The following SLC45A2 variants were observed in gnomAD, a reference collection of about 807,000 sequenced individuals.
SLC45A2 encodes the protein membrane-associated transporter protein.
In SLC45A2, 36 loss-of-function variants were observed where a neutral mutation model predicts 45.5. The observed-to-expected ratio is 0.79, with a 90% CI of 0.61 to 1.04. The LOEUF is 1.04. Ranked by LOEUF, SLC45A2 falls within the 50% of genes least tolerant of loss-of-function variation. The pLI is 0.00. For missense variants in SLC45A2, 719 were observed against 671.0 expected (o/e 1.07, Z -0.79); for synonymous variants, 306 against 269.3 (o/e 1.14, Z -1.33).
chr5:33,956,801 C>T (rs1298242415), intron 3 of SLC45A2, among the ~76,000 whole-genome samples: 1 of 152,172 alleles, frequency 6.6e-6, no homozygotes, highest in Non-Finnish European at 1.5e-5. Flanking sequence ...ATTGACATAG[C>T]TAAATCTCCA....
At position 33,946,772 on chromosome 5, in the gene SLC45A2, G is replaced by A. The variant is rs1238183241; in HGVS notation, c.1368+391C>T. The stretch of plus-strand genomic sequence containing the variant: ...TGGGGATAGGGAGACCCTTATTGTC[G>A]GTATCTAGAAATGCTGCAGGTGGCA... On this transcript the variant is annotated intron_variant, in intron 6 of 6. Coordinates refer to ENST00000296589, the MANE Select transcript of SLC45A2 (RefSeq NM_016180.5). The A allele has an allele frequency of 1.3e-5, 15 of 1,128,910 alleles. No individual in the cohort carries two copies. In the Admixed American group the frequency reaches 3.6e-4, roughly 27 times the overall value. The allele number at this position is 1,128,910 out of a possible 1,614,324, so 69.9% of individuals were successfully genotyped here.
intron 2 of SLC45A2, among the ~76,000 whole-genome samples, chr5:33,967,576 G>A (rs1752635202): frequency 1.3e-5 from 2 of 152,108 alleles, no homozygotes; most frequent in African/African-American, 4.8e-5. Flanking sequence ...GTTGTCACAG[G>A]ATATTTGACC....
In SLC45A2 at chr5:33,984,405, A is replaced by C. The variant is rs925113610; in HGVS notation, c.179T>G (p.Leu60Arg). Residue 60 changes from leucine to arginine, a missense_variant, in exon 1 of 7, where the codon CTG (leucine) becomes CGG (arginine). Physicochemically the swap from Leu to Arg is moderately radical, Grantham distance 102. Transcript: ENST00000296589. The stretch of plus-strand genomic sequence containing the variant: ...GCTGCTGGGCAGACCTACGCTGAGC[A>C]GGACTGGGGTCACATACGCTGCCTC... ...AVEAAYVTPV[L>R]LSVGLPSSLY... 6 of 1,613,554 alleles carry C rather than the reference A, an allele frequency of 3.7e-6. No individual in the cohort carries two copies. Among genetic ancestry groups the C allele is most frequent in the Non-Finnish European group, 5.1e-6 (6 of 1,179,724 alleles).
At chr5:33,984,093 T>G (rs1753163421) in intron 1 of SLC45A2, 106 bp downstream of exon 1, 2 of 1,528,794 alleles carry the variant, frequency 1.3e-6, no homozygotes, top group Admixed American at 1.7e-5. Flanking sequence ...GAGAGATCAA[T>G]TCTAACAAAT....
intron 2 of SLC45A2, among the ~76,000 whole-genome samples, chr5:33,970,448 T>C (rs1021146437): frequency 2.0e-5 from 3 of 152,242 alleles, no homozygotes; most frequent in Non-Finnish European, 2.9e-5. Context: ...TTACTCTTGC[T>C]CTCTAGAATC....
chr5:33,956,336 C>T (rs1752275440), intron 3 of SLC45A2, among the ~76,000 whole-genome samples: 1 of 152,110 alleles, frequency 6.6e-6, no homozygotes, highest in African/African-American at 2.4e-5. Context: ...GGAGATGAAA[C>T]ATGGCCTTAC....
chr5:33,949,061 T>C (rs951571641), intron 5 of SLC45A2, among the ~76,000 whole-genome samples: 2 of 152,218 alleles, frequency 1.3e-5, no homozygotes, highest in African/African-American at 4.8e-5. Context: ...TAGTAGTGTA[T>C]GATATTATGG....
At chr5:33,973,257 A>G (rs1230538887) in intron 2 of SLC45A2, among the ~76,000 whole-genome samples, 1 of 152,112 alleles carries the variant, frequency 6.6e-6, no homozygotes, top group African/African-American at 2.4e-5. Flanking sequence ...ATCCCATTTG[A>G]ATGGAAAAGA....
At chr5:33,958,246 C>A (rs1444369390) in intron 3 of SLC45A2, among the ~76,000 whole-genome samples, 3 of 152,166 alleles carry the variant, frequency 2.0e-5, no homozygotes, top group Non-Finnish European at 4.4e-5. Flanking sequence ...GTTTAAACTT[C>A]TGAAATAATT....
chr5:33,948,328 G>A (rs1268555033), intron 5 of SLC45A2, among the ~76,000 whole-genome samples: 2 of 152,104 alleles, frequency 1.3e-5, no homozygotes, highest in East Asian at 3.9e-4. Context: ...TTCTACAATG[G>A]CAAGGAAAAT....
chr5:33,982,201 GAGCT>G, intron 2 of SLC45A2, 31 bp downstream of exon 2: 1 of 1,612,182 alleles, frequency 6.2e-7, no homozygotes, highest in South Asian at 1.1e-5. Flanking sequence ...ATTGTCTGGG[GAGCT>G]GAAGGAGAGA....
At chr5:33,946,152 C>G (rs1045614198) in intron 6 of SLC45A2, 2 of 985,316 alleles carry the variant, frequency 2.0e-6, no homozygotes, top group Non-Finnish European at 2.4e-6. Flanking sequence ...TTTTCTTCCC[C>G]CAACACCATG....
rs980618644 is a variant in SLC45A2 at position 33,984,319 on chromosome 5, C to T, written c.265G>A (p.Gly89Arg). 1.2e-6 allele frequency: 2 copies of T among 1,614,118 alleles called. No individual in the cohort carries two copies. The highest frequency in any genetic ancestry group is 2.2e-5 in the East Asian group (1 of 44,878). The change falls in exon 1 of 7, where the codon GGA (glycine) becomes AGA (arginine). Residue 89 changes from glycine to arginine, a missense_variant. Transcript: ENST00000296589. The part of the protein sequence containing the change: ...ILGFLLQPVV[G>R]SASDHCRSRW... Reference sequence around the variant, plus strand: ...GACCGGCAGTGGTCGCTGGCCGATCCGACCACGGGCTGCAGCAGGAATCCC... The same window carrying T: ...GACCGGCAGTGGTCGCTGGCCGATCTGACCACGGGCTGCAGCAGGAATCCC...
At chr5:33,945,876 C>T in intron 6 of SLC45A2, 2 of 788,412 alleles carry the variant, frequency 2.5e-6, no homozygotes, top group African/African-American at 1.9e-5. Context: ...TTTACATTTG[C>T]TTGGTTTTTA....
At chr5:33,955,375 C>G (rs1218577611) in intron 3 of SLC45A2, among the ~76,000 whole-genome samples, 2 of 152,120 alleles carry the variant, frequency 1.3e-5, no homozygotes, top group African/African-American at 2.4e-5. Context: ...CTTGTAAGAC[C>G]CTGTGCAGAA....
chr5:33,969,528 G>C lies in SLC45A2; in HGVS notation c.563-5512C>G, dbSNP rs142003202. ...GGGCCAGGATGCCTCGTTGCTTTGA[G>C]GACAGTATGTAACAGTAGAGAGCAG... On this transcript the variant is annotated intron_variant, in intron 2 of 6. Transcript: ENST00000296589. 9.2e-4 allele frequency among the ~76,000 whole-genome samples: 140 copies of C among 152,264 alleles called. No individual in the cohort carries two copies. In the East Asian group the frequency reaches 0.023, roughly 25 times the overall value.
intron 6 of SLC45A2, chr5:33,945,933 C>T (rs1751909907): frequency 1.0e-6 from 1 of 980,392 alleles, no homozygotes. Flanking sequence ...AGAGTGGTAA[C>T]ACGTTGGGGC....
At chr5:33,975,747 C>T (rs916290986) in intron 2 of SLC45A2, among the ~76,000 whole-genome samples, 5 of 152,156 alleles carry the variant, frequency 3.3e-5, no homozygotes, top group Non-Finnish European at 7.4e-5. Flanking sequence ...CCTCACTTTT[C>T]AACCTCCTTA....
chr5:33,947,930 C>A (rs1458244106), intron 5 of SLC45A2, among the ~76,000 whole-genome samples: 1 of 152,192 alleles, frequency 6.6e-6, no homozygotes, highest in African/African-American at 2.4e-5. Flanking sequence ...TCTGAAGACA[C>A]CTTCCCTGAC....
Sources: allele counts gnomAD v4.1 joint callset (sites outside exome capture counted in the v4.1 genomes callset), GRCh38; gene constraint gnomAD v4.1.1; transcripts MANE v1.5; gene names NCBI Gene and HGNC (gene_info 2026-07-23, HGNC 2026-07-21).